Variants in SMURF1 observed in about 807,000 individuals in gnomAD.
SMURF1 encodes the protein SMAD specific E3 ubiquitin protein ligase 1.
A neutral mutation model predicts 98.0 loss-of-function variants in SMURF1; 44 were observed. The ratio of observed to expected loss-of-function variants is 0.45; its 90% CI spans 0.35 to 0.58. The LOEUF (loss-of-function observed/expected upper bound fraction) is 0.58, where lower values mean the gene tolerates loss of function less well. Among genes scored for constraint, SMURF1 ranks in the 20% least tolerant of loss-of-function variants. SMURF1 has a pLI of 0.00. For synonymous variants in SMURF1, 396 were observed against 374.9 expected (o/e 1.06, Z -0.65); for missense variants, 687 against 938.4 (o/e 0.73, Z 3.50).
chr7:99,143,615 C>T, intron 1 of SMURF1, 111 bp downstream of exon 1: 1 of 915,774 alleles, frequency 1.1e-6, no homozygotes, highest in Non-Finnish European at 1.6e-6. Flanking sequence ...GTGACGAGGT[C>T]CTGGGACAAC....
chr7:99,035,802 T>C (rs1051475943), intron 15 of SMURF1, 86 bp from the exon 16 acceptor site: 1 of 1,330,844 alleles, frequency 7.5e-7, no homozygotes, highest in Non-Finnish European at 1.0e-6. Context: ...CACACAACAG[T>C]GAAAAGTCGA....
At chr7:99,042,753 G>A (rs1391362310) in intron 11 of SMURF1, among the ~76,000 whole-genome samples, 4 of 152,178 alleles carry the variant, frequency 2.6e-5, no homozygotes, top group Non-Finnish European at 4.4e-5. Flanking sequence ...GCAGATCTAC[G>A]AAGAGTCTTC....
intron 1 of SMURF1, among the ~76,000 whole-genome samples, chr7:99,122,199 A>AT (rs1392930771): frequency 6.6e-6 from 1 of 151,808 alleles, no homozygotes; most frequent in African/African-American, 2.4e-5. Flanking sequence ...ATGGTGGCGC[A>AT]TGCCTGTGAT....
At chr7:99,043,462 T>C (rs1021408537) in intron 11 of SMURF1, among the ~76,000 whole-genome samples, 3 of 152,084 alleles carry the variant, frequency 2.0e-5, no homozygotes, top group Non-Finnish European at 4.4e-5. Context: ...CCCAACTCTT[T>C]CCACTACAGC....
chr7:99,036,805 A>AGG (rs769867643), intron 15 of SMURF1, among the ~76,000 whole-genome samples: 1 of 152,144 alleles, frequency 6.6e-6, no homozygotes, highest in Non-Finnish European at 1.5e-5. Flanking sequence ...CTTGCAAACA[A>AGG]GGGAAGCCAC....
chr7:99,120,863 T>C (rs551006993), intron 1 of SMURF1: 1 of 148,776 alleles, frequency 6.7e-6, no homozygotes, highest in Non-Finnish European at 1.5e-5. Flanking sequence ...TTGAGGGAAG[T>C]GAAGCTGGCA....
intron 1 of SMURF1, among the ~76,000 whole-genome samples, chr7:99,087,289 G>A (rs2150574509): frequency 6.6e-6 from 1 of 152,230 alleles, no homozygotes; most frequent in African/African-American, 2.4e-5. Flanking sequence ...GGAGGCTGAG[G>A]TGGGAGGACT....
chr7:99,064,254 T>C (rs1314393118), intron 1 of SMURF1, among the ~76,000 whole-genome samples: 1 of 152,242 alleles, frequency 6.6e-6, no homozygotes, highest in East Asian at 1.9e-4. Flanking sequence ...TATCTAGTTT[T>C]GGTATCAGAG....
At chr7:99,092,100 C>T (rs138636786) in intron 1 of SMURF1, among the ~76,000 whole-genome samples, 8 of 152,066 alleles carry the variant, frequency 5.3e-5, no homozygotes, top group Admixed American at 6.6e-5. Context: ...AGGGTTATTG[C>T]GAGCAATGAT....
intron 16 of SMURF1, among the ~76,000 whole-genome samples, chr7:99,034,032 A>G (rs1378942371): frequency 6.6e-6 from 1 of 152,226 alleles, no homozygotes; most frequent in Admixed American, 6.5e-5. Flanking sequence ...GGACCAGCAG[A>G]GACACCATCT....
chr7:99,140,743 G>A (rs919491946), intron 1 of SMURF1, among the ~76,000 whole-genome samples: 5 of 151,688 alleles, frequency 3.3e-5, no homozygotes, highest in Non-Finnish European at 2.9e-5. Flanking sequence ...ACTGAATTTC[G>A]CTCTGTGTCT....
At position 99,078,127 on chromosome 7, in the gene SMURF1, C is replaced by T. The variant is rs187268409; in HGVS notation, c.56-16290G>A. Among the ~76,000 whole-genome samples the T allele has an allele frequency of 5.7e-4, 87 of 152,106 alleles. 1 individual carries two copies. In the East Asian group the frequency reaches 0.016, roughly 28 times the overall value. ...CAGCCTGGCCAAATATGGTGAAACC[C>T]CGTCTCTACTAGAAATACAAAAAAA... On this transcript the variant is annotated intron_variant, in intron 1 of 17. Transcript: ENST00000361368.
intron 1 of SMURF1, among the ~76,000 whole-genome samples, chr7:99,101,578 T>C (rs1203258856): frequency 6.6e-6 from 1 of 152,236 alleles, no homozygotes; most frequent in Non-Finnish European, 1.5e-5. Flanking sequence ...TAATCACTTT[T>C]CGTAAATGGA....
At chr7:99,065,972 G>A (rs1796180432) in intron 1 of SMURF1, among the ~76,000 whole-genome samples, 1 of 151,972 alleles carries the variant, frequency 6.6e-6, no homozygotes, top group South Asian at 2.1e-4. Context: ...CTTGAACCCA[G>A]GAGGCGGAGG....
chr7:99,093,435 T>C (rs1317361412), intron 1 of SMURF1, among the ~76,000 whole-genome samples: 1 of 152,138 alleles, frequency 6.6e-6, no homozygotes, highest in Non-Finnish European at 1.5e-5. Flanking sequence ...TAACGCCACA[T>C]TGAGTTTTAT....
intron 5 of SMURF1, 40 bp from the exon 6 acceptor site, chr7:99,054,905 G>A (rs1795844252): frequency 1.3e-6 from 2 of 1,578,030 alleles, no homozygotes; most frequent in Admixed American, 1.7e-5. Context: ...AACCCAGCGG[G>A]GTTTACATAA....
At position 99,110,262 on chromosome 7, in the gene SMURF1, T is replaced by C. The variant is rs368578525; in HGVS notation, c.55+33464A>G. On this transcript the variant is annotated intron_variant, in intron 1 of 17. Transcript: ENST00000361368. ...AATTCCTAGAAATAAACTTTAGAAA[T>C]AAAACCATATGAAGAAAGTTTTATA... Among the ~76,000 whole-genome samples, 14 of 152,270 alleles carry C rather than the reference T, an allele frequency of 9.2e-5. No homozygotes were observed. The East Asian group carries it at 2.3e-3, about 25-fold the overall frequency.
At chr7:99,035,056 G>A (rs773294205) in intron 16 of SMURF1, among the ~76,000 whole-genome samples, 3 of 152,200 alleles carry the variant, frequency 2.0e-5, no homozygotes, top group Non-Finnish European at 2.9e-5. Flanking sequence ...CCCCACTTCC[G>A]GCGACCTCAG....
chr7:99,123,286 C>T (rs1797682202), intron 1 of SMURF1, among the ~76,000 whole-genome samples: 1 of 152,038 alleles, frequency 6.6e-6, no homozygotes, highest in South Asian at 2.1e-4. Context: ...GCCTGTAATT[C>T]CAGCACTTTG....
Sources: allele counts gnomAD v4.1 joint callset (sites outside exome capture counted in the v4.1 genomes callset), GRCh38; gene constraint gnomAD v4.1.1; transcripts MANE v1.5; gene names NCBI Gene and HGNC (gene_info 2026-07-23, HGNC 2026-07-21).